MTMR2: variants seen among roughly 807,000 people sequenced by gnomAD.
MTMR2 encodes the protein myotubularin related protein 2, also known as phosphatidylinositol-3,5-bisphosphate 3-phosphatase MTMR2.
A neutral mutation model predicts 86.9 loss-of-function variants in MTMR2; 55 were observed. The ratio of observed to expected loss-of-function variants is 0.63; its 90% CI spans 0.51 to 0.79. The LOEUF (loss-of-function observed/expected upper bound fraction) is 0.79. MTMR2 is among the 30% of genes least tolerant of loss of function. The pLI, the probability that MTMR2 is intolerant of heterozygous loss-of-function variation, is 0.00. For missense variants in MTMR2, 659 were observed against 772.3 expected (o/e 0.85, Z 1.74); for synonymous variants, 241 against 266.8 (o/e 0.90, Z 0.94).
intron 1 of MTMR2, among the ~76,000 whole-genome samples, chr11:95,920,698 CACA>C (rs34108026): frequency 0.28 from 41,909 of 151,978 alleles, 6,838 homozygotes; most frequent in Non-Finnish European, 0.37. Flanking sequence ...CTACAGATTG[CACA>C]ACAGCCTGTA....
chr11:95,913,643 G>A (rs1049480469), intron 1 of MTMR2, among the ~76,000 whole-genome samples: 2 of 152,074 alleles, frequency 1.3e-5, no homozygotes, highest in Admixed American at 1.3e-4. Context: ...AGTGTGAAAA[G>A]ATGATATAAT....
chr11:95,921,492 G>A (rs1181818787), intron 1 of MTMR2, among the ~76,000 whole-genome samples: 1 of 152,212 alleles, frequency 6.6e-6, no homozygotes, highest in African/African-American at 2.4e-5. Flanking sequence ...ACATAGCTAT[G>A]AGACCAAAGC....
chr11:95,914,378 T>C, intron 1 of MTMR2: 1 of 983,348 alleles, frequency 1.0e-6, no homozygotes, highest in Non-Finnish European at 1.2e-6. Context: ...ATATTCTAAA[T>C]CATTGTGCAA....
At chr11:95,867,713 G>C (rs1864667107) in intron 2 of MTMR2, among the ~76,000 whole-genome samples, 2 of 151,770 alleles carry the variant, frequency 1.3e-5, no homozygotes, top group African/African-American at 4.8e-5. Context: ...GAACAGAACA[G>C]GGATGGGGCA....
intron 2 of MTMR2, among the ~76,000 whole-genome samples, chr11:95,883,695 A>T (rs901366296): frequency 6.6e-6 from 1 of 152,200 alleles, no homozygotes; most frequent in African/African-American, 2.4e-5. Context: ...ATCAAAGTTC[A>T]AGATATATCT....
intron 1 of MTMR2, among the ~76,000 whole-genome samples, chr11:95,900,610 T>G (rs1453734520): frequency 6.6e-6 from 1 of 151,260 alleles, no homozygotes; most frequent in Admixed American, 6.6e-5. Context: ...GCACCCTTCC[T>G]TCCTTTTGTA....
At position 95,858,520 on chromosome 11, in the gene MTMR2, A is replaced by G. The variant is rs182582445; in HGVS notation, c.570+11T>C. ...ATAGCACAAATTTTCCAAAGACAGG[A>G]AACATTTTACCAGGTTATTAGAGAC... On this transcript the variant is annotated intron_variant, in intron 6 of 14. Coordinates refer to ENST00000346299, the MANE Select transcript of MTMR2 (RefSeq NM_016156.6). 5.0e-3 allele frequency: 7,798 copies of G among 1,557,518 alleles called. 29 individuals are homozygous for G. Among genetic ancestry groups the G allele is most frequent in the Middle Eastern group, 0.011 (68 of 5,994 alleles).
intron 1 of MTMR2, among the ~76,000 whole-genome samples, chr11:95,910,092 A>C (rs1866436946): frequency 6.9e-6 from 1 of 144,432 alleles, no homozygotes; most frequent in African/African-American, 2.7e-5. Context: ...AATTTTTTTA[A>C]ATATAAACAC....
chr11:95,841,901 G>A (rs1023160305), intron 11 of MTMR2, among the ~76,000 whole-genome samples, 192 bp from the exon 12 acceptor site: 1 of 152,166 alleles, frequency 6.6e-6, no homozygotes, highest in Non-Finnish European at 1.5e-5. Context: ...TTCGAGATGG[G>A]TCTGGGCAAC....
intron 7 of MTMR2, among the ~76,000 whole-genome samples, chr11:95,853,681 A>G (rs956500203): frequency 1.3e-5 from 2 of 152,076 alleles, no homozygotes; most frequent in African/African-American, 4.8e-5. Context: ...TTGTTAATCT[A>G]TTTGTTTGAA....
intron 12 of MTMR2, among the ~76,000 whole-genome samples, chr11:95,838,683 G>A (rs922540325): frequency 6.6e-6 from 1 of 152,032 alleles, no homozygotes; most frequent in Non-Finnish European, 1.5e-5. Context: ...AAATAATTGC[G>A]GCTTTTGCCA....
At position 95,873,183 on chromosome 11, in the gene MTMR2, A is replaced by T. The variant is rs9735111; in HGVS notation, c.187-7507T>A. Among the ~76,000 whole-genome samples the T allele has an allele frequency of 5.8e-3, 883 of 152,284 alleles. 5 individuals carry two copies. The highest frequency in any genetic ancestry group is 8.5e-3 in the African/African-American group (354 of 41,546). ...TTTCTATTGATTGGAATAGTTTCAG[A>T]AGGAATGGTACCAGTTCCTCCTTGT... On this transcript the variant is annotated intron_variant, in intron 2 of 14. Coordinates refer to ENST00000346299, the MANE Select transcript of MTMR2 (RefSeq NM_016156.6).
chr11:95,921,639 G>A (rs900911298), intron 1 of MTMR2, among the ~76,000 whole-genome samples: 10 of 152,166 alleles, frequency 6.6e-5, no homozygotes, highest in African/African-American at 2.4e-4. Context: ...AAACAGGTAT[G>A]ATGATTAATG....
chr11:95,849,848 A>T lies in MTMR2; in HGVS notation c.819T>A (p.Ile273=), dbSNP rs772434172. 3 of 1,614,082 alleles carry T rather than the reference A, an allele frequency of 1.9e-6. No homozygotes were observed. In the South Asian group the frequency reaches 3.3e-5, roughly 18 times the overall value. The part of the protein sequence containing the change: ...SRGRIPVLSW[I]HPESQATITR... ...TGATTGTGGCTTGACTTTCAGGATG[A>T]ATCCATGATAAAACCTTAATGAGGA... Residue 273 remains isoleucine (I), a synonymous_variant, in exon 9 of 15, where the codon ATT becomes ATA. Transcript: ENST00000346299.
intron 7 of MTMR2, among the ~76,000 whole-genome samples, chr11:95,856,552 A>G (rs2135459954): frequency 6.6e-6 from 1 of 151,990 alleles, no homozygotes; most frequent in African/African-American, 2.4e-5. Flanking sequence ...AAAAAAAAAA[A>G]AGCCAACAAA....
chr11:95,888,802 C>T lies in MTMR2; in HGVS notation c.81-541G>A, dbSNP rs750886303. ...AAGAAAAGGAAGCAGCCAATTCTGGCCAGAAAGTTCAGGGAAGACTTCTCA... is the reference window on the plus strand; with the variant it reads ...AAGAAAAGGAAGCAGCCAATTCTGGTCAGAAAGTTCAGGGAAGACTTCTCA... On this transcript the variant is annotated intron_variant, in intron 1 of 14. Transcript: ENST00000346299. Among the ~76,000 whole-genome samples the T allele has an allele frequency of 1.2e-4, 19 of 152,048 alleles. No homozygotes were observed. In the South Asian group the frequency reaches 1.3e-3, roughly 10 times the overall value.
intron 1 of MTMR2, chr11:95,907,824 T>C (rs948886024): frequency 2.4e-6 from 1 of 415,638 alleles, no homozygotes; most frequent in African/African-American, 2.1e-5. Flanking sequence ...CGCTTCATGT[T>C]AAAAACCTTC....
chr11:95,847,360 T>C (rs1304344234), intron 10 of MTMR2, among the ~76,000 whole-genome samples: 6 of 152,158 alleles, frequency 3.9e-5, no homozygotes, highest in Non-Finnish European at 7.4e-5. Flanking sequence ...AAGTACACGC[T>C]AGTTCCTGAT....
chr11:95,846,154 A>G (rs1257329959), intron 10 of MTMR2, among the ~76,000 whole-genome samples: 4 of 152,234 alleles, frequency 2.6e-5, no homozygotes, highest in Non-Finnish European at 5.9e-5. Context: ...CTAATTCAGT[A>G]TCTTAAATAA....
Sources: gnomAD v4.1 joint callset for allele counts (sites outside exome capture counted in the v4.1 genomes callset) on GRCh38, gnomAD v4.1.1 for gene constraint, MANE v1.5 for transcripts, NCBI Gene and HGNC (gene_info 2026-07-23, HGNC 2026-07-21) for gene names.